NLGN1: variants seen among roughly 807,000 people sequenced by gnomAD.
The protein encoded by NLGN1 is neuroligin 1.
Under a neutral mutation model 65.5 loss-of-function variants are expected in NLGN1, and 12 were observed. The ratio of observed to expected loss-of-function variants is 0.18; its 90% CI spans 0.12 to 0.30. NLGN1 has a LOEUF of 0.30. NLGN1 is among the 10% of genes least tolerant of loss of function. The pLI is 1.00. For missense variants in NLGN1, 750 were observed against 1,007.1 expected (o/e 0.74, Z 3.46); for synonymous variants, 350 against 359.5 (o/e 0.97, Z 0.30).
intron 4 of NLGN1, among the ~76,000 whole-genome samples, chr3:174,209,757 C>T (rs111901846): frequency 0.087 from 13,167 of 150,978 alleles, 1,167 homozygotes; most frequent in African/African-American, 0.23. Flanking sequence ...CTCAGCCTCC[C>T]GAGTAGCTGG....
intron 2 of NLGN1, among the ~76,000 whole-genome samples, chr3:173,601,735 T>A (rs985349524): frequency 1.3e-5 from 2 of 152,008 alleles, no homozygotes; most frequent in Non-Finnish European, 2.9e-5. Context: ...TGTTTTAACA[T>A]GATTTTGTGT....
chr3:173,434,311 G>C (rs1233915372), intron 1 of NLGN1, among the ~76,000 whole-genome samples: 1 of 152,108 alleles, frequency 6.6e-6, no homozygotes, highest in South Asian at 2.1e-4. Context: ...TAATACATGA[G>C]TTCTTTGTAG....
chr3:173,592,747 T>C (rs1398546944), intron 2 of NLGN1, among the ~76,000 whole-genome samples: 1 of 152,178 alleles, frequency 6.6e-6, no homozygotes, highest in Non-Finnish European at 1.5e-5. Flanking sequence ...GGGATGGTTG[T>C]TAAAAACCAA....
intron 4 of NLGN1, among the ~76,000 whole-genome samples, chr3:173,983,192 A>G (rs2152396746): frequency 6.6e-6 from 1 of 152,262 alleles, no homozygotes; most frequent in Non-Finnish European, 1.5e-5. Flanking sequence ...AGGGCAGCAC[A>G]TTACTTAGTC....
At chr3:174,081,891 T>C (rs1397008800) in intron 4 of NLGN1, among the ~76,000 whole-genome samples, 1 of 152,032 alleles carries the variant, frequency 6.6e-6, no homozygotes, top group Non-Finnish European at 1.5e-5. Flanking sequence ...ACATATGAAT[T>C]TGAGGGAAAC....
At chr3:173,854,773 TAGA>T (rs1428513916) in intron 4 of NLGN1, among the ~76,000 whole-genome samples, 3 of 152,000 alleles carry the variant, frequency 2.0e-5, no homozygotes, top group African/African-American at 7.2e-5. Context: ...AGCATAGAAA[TAGA>T]AGGAGACAAG....
At position 173,429,310 on chromosome 3, in the gene NLGN1, T is replaced by C. The variant is rs146149470; in HGVS notation, c.-389-5700T>C. On this transcript the variant is annotated intron_variant, in intron 1 of 6. Transcript: ENST00000457714. ...AATGTATTTTTCTATCTAGCCGTTGTATTTCTCAGCTCCAGGATTTCTGTT... is the reference window on the plus strand; with the variant it reads ...AATGTATTTTTCTATCTAGCCGTTGCATTTCTCAGCTCCAGGATTTCTGTT... 3.6e-3 allele frequency among the ~76,000 whole-genome samples: 545 copies of C among 152,320 alleles called. 10 individuals are homozygous for C. The highest frequency in any genetic ancestry group is 0.032 in the Admixed American group (488 of 15,300).
At chr3:174,013,650 A>C (rs1482767654) in intron 4 of NLGN1, among the ~76,000 whole-genome samples, 1 of 152,224 alleles carries the variant, frequency 6.6e-6, no homozygotes, top group African/African-American at 2.4e-5. Context: ...CAGAGAAAAC[A>C]TTAGATAAAT....
chr3:173,659,938 C>A (rs1186672645), intron 3 of NLGN1, among the ~76,000 whole-genome samples: 1 of 151,922 alleles, frequency 6.6e-6, no homozygotes, highest in Non-Finnish European at 1.5e-5. Context: ...CTAAATGTGA[C>A]TCCTGAAAGT....
intron 3 of NLGN1, among the ~76,000 whole-genome samples, chr3:173,726,778 G>A (rs1201259986): frequency 6.7e-6 from 1 of 149,298 alleles, no homozygotes; most frequent in Non-Finnish European, 1.5e-5. Context: ...AACAAGTGTT[G>A]TACAGTTTGT....
rs63066860 is a variant in NLGN1, at chr3:173,494,122, AGTGTGTGT to A, written c.-321+59064_-321+59071del. The stretch of plus-strand genomic sequence containing the variant: ...TTGTCAATATTTAGTGTTATAGGTG[AGTGTGTGT>A]GTGTGTGTGTGTGTGTGTGCGCGTG... On this transcript the variant is annotated intron_variant, in intron 2 of 6. Transcript: ENST00000457714. Among the ~76,000 whole-genome samples the A allele has an allele frequency of 3.4e-4, 51 of 147,958 alleles. 1 individual carries two copies. Among genetic ancestry groups the A allele is most frequent in the African/African-American group, 7.1e-4 (28 of 39,652 alleles).
intron 4 of NLGN1, among the ~76,000 whole-genome samples, chr3:174,246,452 C>G (rs1380407526): frequency 1.3e-5 from 2 of 152,174 alleles, no homozygotes; most frequent in African/African-American, 4.8e-5. Context: ...CAGGTTCTCA[C>G]TCTGTCACTT....
chr3:173,733,882 T>C (rs1437757514), intron 3 of NLGN1, among the ~76,000 whole-genome samples: 3 of 151,896 alleles, frequency 2.0e-5, no homozygotes, highest in African/African-American at 7.3e-5. Context: ...AATAAAAACA[T>C]TGTTTGATGG....
At chr3:173,444,991 C>T (rs1373643762) in intron 2 of NLGN1, among the ~76,000 whole-genome samples, 2 of 150,794 alleles carry the variant, frequency 1.3e-5, no homozygotes, top group African/African-American at 2.4e-5. Context: ...CTTGGCCGGG[C>T]GCGGTCGCGG....
chr3:173,790,522 T>C (rs1412876050), intron 3 of NLGN1, among the ~76,000 whole-genome samples: 2 of 152,172 alleles, frequency 1.3e-5, no homozygotes, highest in South Asian at 2.1e-4. Context: ...AATTTTATTA[T>C]GCAAGTATTA....
chr3:173,851,710 G>C (rs546322616), intron 4 of NLGN1, among the ~76,000 whole-genome samples: 17 of 151,910 alleles, frequency 1.1e-4, no homozygotes, highest in Admixed American at 3.3e-4. Flanking sequence ...AATATCTGGG[G>C]ATATATTAAA....
intron 2 of NLGN1, among the ~76,000 whole-genome samples, chr3:173,566,469 G>C (rs1027128376): frequency 6.6e-6 from 1 of 152,032 alleles, no homozygotes; most frequent in Non-Finnish European, 1.5e-5. Flanking sequence ...TGATTATTTA[G>C]TAATACCCAT....
At chr3:173,827,893 A>T (rs1441612000) in intron 4 of NLGN1, among the ~76,000 whole-genome samples, 1 of 151,874 alleles carries the variant, frequency 6.6e-6, no homozygotes, top group Non-Finnish European at 1.5e-5. Context: ...TGAACTCTCA[A>T]AGGACTGGAT....
At chr3:173,723,228 G>A (rs1051311161) in intron 3 of NLGN1, among the ~76,000 whole-genome samples, 2 of 152,148 alleles carry the variant, frequency 1.3e-5, no homozygotes, top group Admixed American at 1.3e-4. Context: ...GGGCCCTGTG[G>A]AACATTATAA....
Sources: gnomAD v4.1 joint callset for allele counts (sites outside exome capture counted in the v4.1 genomes callset) on GRCh38, gnomAD v4.1.1 for gene constraint, MANE v1.5 for transcripts, NCBI Gene and HGNC (gene_info 2026-07-23, HGNC 2026-07-21) for gene names.